CHCHD3: variants seen among roughly 807,000 people sequenced by gnomAD.
CHCHD3 encodes the protein coiled-coil-helix-coiled-coil-helix domain containing 3.
In CHCHD3, 20 loss-of-function variants were observed where a neutral mutation model predicts 38.2. That is an observed-to-expected ratio of 0.52 (90% CI 0.37 to 0.76). CHCHD3 has a LOEUF of 0.76. CHCHD3 is among the 30% of genes least tolerant of loss of function. CHCHD3 has a pLI of 0.00. For synonymous variants in CHCHD3, 82 were observed against 100.0 expected (o/e 0.82, Z 1.07); for missense variants, 245 against 279.2 (o/e 0.88, Z 0.87).
chr7:132,909,463 T>C (rs949904900), intron 4 of CHCHD3, among the ~76,000 whole-genome samples: 1 of 152,058 alleles, frequency 6.6e-6, no homozygotes, highest in African/African-American at 2.4e-5. Flanking sequence ...TGCACTCCCA[T>C]CTAGGTGACA....
chr7:132,969,141 C>CG, intron 4 of CHCHD3, among the ~76,000 whole-genome samples: 1 of 139,870 alleles, frequency 7.1e-6, no homozygotes. Context: ...TTCACCCATC[C>CG]TTTTTTTTTT....
chr7:132,979,294 A>C (rs989160055), intron 3 of CHCHD3, among the ~76,000 whole-genome samples: 1 of 152,146 alleles, frequency 6.6e-6, no homozygotes, highest in Non-Finnish European at 1.5e-5. Context: ...ATATACTTCT[A>C]CTGTAATCCT....
chr7:133,075,886 C>T (rs1241423312), intron 1 of CHCHD3, among the ~76,000 whole-genome samples: 1 of 151,830 alleles, frequency 6.6e-6, no homozygotes, highest in East Asian at 1.9e-4. Context: ...GGTGAAACCC[C>T]ATCTCTACTA....
intron 4 of CHCHD3, among the ~76,000 whole-genome samples, chr7:132,891,235 T>A (rs927028871): frequency 1.3e-5 from 2 of 152,246 alleles, no homozygotes; most frequent in Non-Finnish European, 2.9e-5. Flanking sequence ...CAAAGTATTA[T>A]ACTTCCAGCA....
intron 6 of CHCHD3, among the ~76,000 whole-genome samples, chr7:132,832,199 ACCT>A (rs1434603280): frequency 1.3e-5 from 2 of 152,206 alleles, no homozygotes; most frequent in African/African-American, 4.8e-5. Context: ...CTCTAAAATC[ACCT>A]AAACTACTTT....
intron 4 of CHCHD3, among the ~76,000 whole-genome samples, chr7:132,952,281 C>A (rs1341698390): frequency 6.6e-6 from 1 of 152,148 alleles, no homozygotes; most frequent in African/African-American, 2.4e-5. Context: ...TAGGTCCCAC[C>A]CTGTAAGTCT....
chr7:132,826,929 G>A (rs1426582330), intron 6 of CHCHD3, among the ~76,000 whole-genome samples: 1 of 151,914 alleles, frequency 6.6e-6, no homozygotes, highest in African/African-American at 2.4e-5. Flanking sequence ...ACTTAATGGG[G>A]GGAAAAAAGA....
intron 4 of CHCHD3, among the ~76,000 whole-genome samples, chr7:132,902,040 C>G (rs1220453931): frequency 6.6e-6 from 1 of 152,138 alleles, no homozygotes; most frequent in Non-Finnish European, 1.5e-5. Context: ...TTTCAGCTTT[C>G]TACATATGGC....
chr7:133,024,383 G>A (rs549519332), intron 3 of CHCHD3, among the ~76,000 whole-genome samples, 163 bp downstream of exon 3: 43 of 152,316 alleles, frequency 2.8e-4, no homozygotes, highest in African/African-American at 9.9e-4. Context: ...AAGGCTCTAA[G>A]AGGCACAATC....
At chr7:132,837,845 T>C (rs1807828095) in intron 6 of CHCHD3, among the ~76,000 whole-genome samples, 1 of 152,186 alleles carries the variant, frequency 6.6e-6, no homozygotes, top group African/African-American at 2.4e-5. Flanking sequence ...CACGGACACT[T>C]TGATCCATCA....
chr7:132,848,977 C>T (rs1267462707), intron 5 of CHCHD3: 1 of 152,170 alleles, frequency 6.6e-6, no homozygotes, highest in African/African-American at 2.4e-5. Context: ...AACATCGGTT[C>T]ATATTCACAG....
At chr7:132,967,706 TC>T (rs1216457907) in intron 4 of CHCHD3, among the ~76,000 whole-genome samples, 1 of 151,426 alleles carries the variant, frequency 6.6e-6, no homozygotes, top group African/African-American at 2.4e-5. Context: ...GGAATGTGCC[TC>T]CAGTCCCAGC....
At chr7:132,966,649 CA>C (rs1472423185) in intron 4 of CHCHD3, among the ~76,000 whole-genome samples, 2 of 152,184 alleles carry the variant, frequency 1.3e-5, no homozygotes, top group African/African-American at 4.8e-5. Context: ...AGGTTGAAAA[CA>C]AGTCACAAGA....
At chr7:132,806,722 T>G (rs926361350) in intron 6 of CHCHD3, among the ~76,000 whole-genome samples, 5 of 151,730 alleles carry the variant, frequency 3.3e-5, no homozygotes, top group Non-Finnish European at 7.4e-5. Flanking sequence ...ACATGGAAAT[T>G]TACATACAGA....
chr7:132,913,974 T>C (rs1810034620), intron 4 of CHCHD3, among the ~76,000 whole-genome samples: 1 of 123,296 alleles, frequency 8.1e-6, no homozygotes, highest in Non-Finnish European at 1.6e-5. Context: ...TTTTTTGAGA[T>C]GGAGTCTTGC....
chr7:132,927,108 C>T (rs1350061400), intron 4 of CHCHD3, among the ~76,000 whole-genome samples: 2 of 152,158 alleles, frequency 1.3e-5, no homozygotes, highest in African/African-American at 4.8e-5. Context: ...TAAACCCATG[C>T]CCCCAGATTA....
intron 4 of CHCHD3, among the ~76,000 whole-genome samples, chr7:132,931,028 T>C (rs1321679056): frequency 6.6e-6 from 1 of 152,184 alleles, no homozygotes; most frequent in African/African-American, 2.4e-5. Flanking sequence ...AGTTTTGAGG[T>C]TGCTTTGTAA....
At chr7:132,863,769 G>A (rs1808548576) in intron 5 of CHCHD3, among the ~76,000 whole-genome samples, 1 of 152,226 alleles carries the variant, frequency 6.6e-6, no homozygotes, top group Admixed American at 6.5e-5. Context: ...AGCACCTAGT[G>A]CTTTATCTTG....
intron 4 of CHCHD3, among the ~76,000 whole-genome samples, chr7:132,925,767 T>G (rs1810362538): frequency 6.6e-6 from 1 of 152,122 alleles, no homozygotes; most frequent in South Asian, 2.1e-4. Context: ...TACTGACCAC[T>G]AGAGAAGTGG....
Sources: gnomAD v4.1 joint callset for allele counts (sites outside exome capture counted in the v4.1 genomes callset) on GRCh38, gnomAD v4.1.1 for gene constraint, MANE v1.5 for transcripts, NCBI Gene and HGNC (gene_info 2026-07-23, HGNC 2026-07-21) for gene names.